The following GAB1 variants were observed in gnomAD, a reference collection of about 807,000 sequenced individuals.
GAB1 encodes the protein GRB2 associated binding protein 1, also known as GRB2-associated-binding protein 1.
Under a neutral mutation model 66.5 loss-of-function variants are expected in GAB1, and 19 were observed. That is an observed-to-expected ratio of 0.29 (90% confidence interval 0.20 to 0.42). GAB1 has a LOEUF of 0.42. Ranked by LOEUF, GAB1 falls within the 10% of genes least tolerant of loss-of-function variation. The probability of loss-of-function intolerance (pLI) is 1.00; values close to 1 mark genes in which losing one functional copy is unlikely to be tolerated. For missense variants in GAB1, 732 were observed against 858.5 expected (o/e 0.85, Z 1.84); for synonymous variants, 294 against 301.4 (o/e 0.98, Z 0.25).
At chr4:143,394,986 T>C (rs971477377) in intron 1 of GAB1, 4 of 152,186 alleles carry the variant, frequency 2.6e-5, no homozygotes, top group Non-Finnish European at 5.9e-5. Flanking sequence ...AGGACAAGAT[T>C]GCAGGGCTTT....
intron 6 of GAB1, among the ~76,000 whole-genome samples, chr4:143,458,238 A>G (rs1317815243): frequency 2.0e-5 from 3 of 152,156 alleles, no homozygotes; most frequent in Non-Finnish European, 4.4e-5. Context: ...ACTTTCACTC[A>G]GCGGAATATT....
chr4:143,448,185 T>G (rs570709466), intron 6 of GAB1, among the ~76,000 whole-genome samples: 1 of 151,884 alleles, frequency 6.6e-6, no homozygotes, highest in Non-Finnish European at 1.5e-5. Flanking sequence ...TGCTGAATTC[T>G]GTTTGCCAGT....
intron 1 of GAB1, among the ~76,000 whole-genome samples, chr4:143,396,371 A>G (rs1455276010): frequency 1.3e-5 from 2 of 152,204 alleles, no homozygotes; most frequent in Non-Finnish European, 1.5e-5. Flanking sequence ...TGAAAATGTA[A>G]ACTATAGATA....
At chr4:143,413,275 A>T (rs148052572) in intron 1 of GAB1, among the ~76,000 whole-genome samples, 79 of 152,244 alleles carry the variant, frequency 5.2e-4, no homozygotes, top group African/African-American at 1.8e-3. Context: ...TAGAGGGATA[A>T]TTTTACTAAG....
rs983874411 is a variant in GAB1 at position 143,470,493 on chromosome 4, G to T, written c.*1304G>T. The T allele has an allele frequency of 2.0e-5, 3 of 152,130 alleles. No individual in the cohort carries two copies. The highest frequency in any genetic ancestry group is 2.9e-5 in the Non-Finnish European group (2 of 68,012). The allele number at this position is 152,130 out of a possible 1,614,324, so 9.4% of individuals were successfully genotyped here. On this transcript the variant is annotated 3_prime_UTR_variant, in exon 10 of 10. Coordinates refer to ENST00000262994, the MANE Select transcript of GAB1 (RefSeq NM_002039.4). ...ACCAGATTTCTGAAAACACCAGAGG[G>T]ATGGTATAATTCTGTCTCACCTATA...
At chr4:143,365,124 G>A (rs963884099) in intron 1 of GAB1, among the ~76,000 whole-genome samples, 49 of 151,778 alleles carry the variant, frequency 3.2e-4, no homozygotes, top group Middle Eastern at 3.4e-3. Flanking sequence ...TGATCCGCCC[G>A]CCTCTGCCTC....
At chr4:143,405,806 G>A (rs1732013300) in intron 1 of GAB1, among the ~76,000 whole-genome samples, 1 of 152,138 alleles carries the variant, frequency 6.6e-6, no homozygotes, top group African/African-American at 2.4e-5. Context: ...GCTTGACCTG[G>A]CCGAGGTGAC....
chr4:143,442,030 G>A (rs1388382883), intron 6 of GAB1, among the ~76,000 whole-genome samples: 1 of 152,168 alleles, frequency 6.6e-6, no homozygotes, highest in East Asian at 1.9e-4. Flanking sequence ...ATCGGATAAT[G>A]CTTCCTTTTG....
At chr4:143,468,155 G>T (rs1458588774) in intron 9 of GAB1, among the ~76,000 whole-genome samples, 1 of 149,850 alleles carries the variant, frequency 6.7e-6, no homozygotes, top group Admixed American at 6.6e-5. Context: ...ACAGGCATCT[G>T]CTGTCCCTAT....
intron 2 of GAB1, among the ~76,000 whole-genome samples, chr4:143,417,254 A>G (rs1405952934): frequency 6.6e-6 from 1 of 152,188 alleles, no homozygotes; most frequent in Non-Finnish European, 1.5e-5. Flanking sequence ...CTGGGGCAGT[A>G]AGGCTCTGAG....
At chr4:143,349,228 A>ATT in intron 1 of GAB1, 5 of 606,672 alleles carry the variant, frequency 8.2e-6, no homozygotes, top group African/African-American at 5.7e-5. Context: ...TTTTATTTTG[A>ATT]TTTTTTTTTC....
At position 143,415,512 on chromosome 4, in the gene GAB1, C is replaced by T. The variant is rs756913739; in HGVS notation, c.108C>T (p.Gly36=). 10 of 1,612,264 alleles carry T rather than the reference C, an allele frequency of 6.2e-6. No individual in the cohort carries two copies. The highest frequency in any genetic ancestry group is 8.5e-6 in the Non-Finnish European group (10 of 1,178,850). The change falls in exon 2 of 10, where the codon GGC becomes GGT. Residue 36 remains glycine, a synonymous_variant. Coordinates refer to ENST00000262994, the MANE Select transcript of GAB1 (RefSeq NM_002039.4). ...GGAGATGGTTCGTGTTACGCAGTGG[C>T]CGTTTAACTGGAGATCCAGATGTTT... ...WKRRWFVLRS[G]RLTGDPDVLE... is the part of the protein sequence containing the mutation.
chr4:143,407,241 T>C (rs1732096668), intron 1 of GAB1, among the ~76,000 whole-genome samples: 1 of 151,808 alleles, frequency 6.6e-6, no homozygotes, highest in African/African-American at 2.4e-5. Context: ...GTATATTAAA[T>C]ACTAAGGGGT....
intron 2 of GAB1, chr4:143,424,826 G>T (rs929425620): frequency 2.8e-6 from 1 of 356,262 alleles, no homozygotes; most frequent in Non-Finnish European, 5.3e-6. Flanking sequence ...GTGGTGGCGT[G>T]TGCCTGTAGT....
At chr4:143,443,744 A>T (rs562016490) in intron 6 of GAB1, among the ~76,000 whole-genome samples, 8 of 152,204 alleles carry the variant, frequency 5.3e-5, no homozygotes, top group African/African-American at 1.9e-4. Context: ...GGTTTTTGAG[A>T]TTGTCTTTGG....
rs1384295126 is a variant in GAB1, at chr4:143,415,352, C to A, written c.73-125C>A. 6.7e-6 allele frequency: 5 copies of A among 751,364 alleles called. No individual in the cohort carries two copies. The East Asian group carries it at 8.2e-5, about 12-fold the overall frequency. 46.5% of individuals were successfully genotyped at this position (751,364 alleles called of 1,614,324 possible). A position where few individuals can be genotyped will look rare whatever the true frequency, so the allele number is the denominator to read the frequency against. On this transcript the variant is annotated intron_variant, in intron 1 of 9. Transcript: ENST00000262994. ...TTATCCTGTGGTAAAAACACACACA[C>A]AAACACACACATATTGTGACTTTCT... is the stretch of plus-strand genomic sequence containing the variant.
At chr4:143,451,523 T>G (rs1734931064) in intron 6 of GAB1, among the ~76,000 whole-genome samples, 1 of 152,222 alleles carries the variant, frequency 6.6e-6, no homozygotes, top group Non-Finnish European at 1.5e-5. Flanking sequence ...AGCTTTGGGT[T>G]AGATTTGTTA....
chr4:143,454,900 C>T (rs1037784939), intron 6 of GAB1, among the ~76,000 whole-genome samples: 4 of 148,942 alleles, frequency 2.7e-5, no homozygotes, highest in African/African-American at 7.4e-5. Flanking sequence ...GTTTCTCTCT[C>T]TTTTTTTTTT....
At chr4:143,467,957 A>G (rs1735878156) in intron 9 of GAB1, among the ~76,000 whole-genome samples, 2 of 152,348 alleles carry the variant, frequency 1.3e-5, no homozygotes, top group South Asian at 4.1e-4. Flanking sequence ...TTATTTAAAT[A>G]TCTATATCTT....
Sources: gnomAD v4.1 joint callset for allele counts (sites outside exome capture counted in the v4.1 genomes callset) on GRCh38, gnomAD v4.1.1 for gene constraint, MANE v1.5 for transcripts, NCBI Gene and HGNC (gene_info 2026-07-23, HGNC 2026-07-21) for gene names.